NEDD4L: variants seen among roughly 807,000 people sequenced by gnomAD.
The protein encoded by NEDD4L is NEDD4 like E3 ubiquitin protein ligase, also known as E3 ubiquitin-protein ligase NEDD4-like.
A neutral mutation model predicts 148.9 loss-of-function variants in NEDD4L; 54 were observed. The observed-to-expected ratio is 0.36, with a 90% confidence interval of 0.29 to 0.45. The LOEUF (loss-of-function observed/expected upper bound fraction) is 0.45. Among genes scored for constraint, NEDD4L ranks in the 20% least tolerant of loss-of-function variants. The pLI is 1.00. For missense variants in NEDD4L, 856 were observed against 1,233.8 expected, an observed-to-expected ratio of 0.69 and a Z score of 4.59; for synonymous variants, 433 against 440.7, an observed-to-expected ratio of 0.98 and a Z score of 0.22.
At chr18:58,046,065 G>T (rs1039506229) in intron 1 of NEDD4L, 4 of 152,152 alleles carry the variant, frequency 2.6e-5, no homozygotes, top group Non-Finnish European at 5.9e-5. Context: ...GGTGTTTAGG[G>T]TATGAATTTT....
rs550831876 is a variant in NEDD4L, at chr18:58,159,023, T to C, written c.49-6765T>C. Among the ~76,000 whole-genome samples the C allele has an allele frequency of 3.9e-5, 6 of 152,208 alleles. No individual in the cohort carries two copies. The South Asian group carries it at 1.2e-3, about 32-fold the overall frequency. ...CATTTTTGTTGAGTGTATAATTAGA[T>C]GGTCAATGTGGAGAACTCAGAGGGA... On this transcript the variant is annotated intron_variant, in intron 1 of 30. Transcript: ENST00000400345.
chr18:58,263,978 G>A lies in NEDD4L; in HGVS notation c.297+11924G>A, dbSNP rs146957621. Among the ~76,000 whole-genome samples, 137 of 150,614 alleles carry A rather than the reference G, an allele frequency of 9.1e-4. No homozygotes were observed. The Middle Eastern group carries it at 0.017, about 19-fold the overall frequency. ...GCATACCTCTGGGCTTCTTTTATATGGTCTTCCTCATGAGTTAAAATGCCT... is the reference window on the plus strand; with the variant it reads ...GCATACCTCTGGGCTTCTTTTATATAGTCTTCCTCATGAGTTAAAATGCCT... On this transcript the variant is annotated intron_variant, in intron 5 of 30. Transcript: ENST00000400345.
chr18:58,152,861 C>T (rs58782906), intron 1 of NEDD4L, among the ~76,000 whole-genome samples: 6,182 of 152,284 alleles, frequency 0.041, 392 homozygotes, highest in African/African-American at 0.14. Context: ...CCAGCATAGA[C>T]TCCTGCAGAG....
intron 5 of NEDD4L, among the ~76,000 whole-genome samples, chr18:58,287,989 T>C (rs7232823): frequency 0.45 from 68,958 of 152,094 alleles, 16,380 homozygotes; most frequent in African/African-American, 0.6. Context: ...CAGCTGAGCA[T>C]GATCTTGAAT....
In NEDD4L at chr18:58,195,446, C is replaced by A. The variant is rs778878524; in HGVS notation, c.122+29585C>A. The A allele has an allele frequency of 8.3e-6, 11 of 1,320,760 alleles. No homozygotes were observed. In the East Asian group the frequency reaches 3.8e-4, roughly 45 times the overall value. 81.8% of individuals were successfully genotyped at this position (1,320,760 alleles called of 1,614,324 possible). ...CCGATTCGAGAGAGGCAGGCATCCG[C>A]GGCAGCAGCTTCCAACCCAGACAGG... On this transcript the variant is annotated intron_variant, in intron 2 of 30. Transcript: ENST00000400345.
intron 19 of NEDD4L, among the ~76,000 whole-genome samples, chr18:58,359,531 A>G (rs2045196355): frequency 6.6e-6 from 1 of 152,228 alleles, no homozygotes; most frequent in Admixed American, 6.5e-5. Flanking sequence ...ATAGTCAAAT[A>G]GTCATTAATA....
intron 2 of NEDD4L, among the ~76,000 whole-genome samples, chr18:58,168,582 C>T (rs1469080120): frequency 6.6e-6 from 1 of 152,192 alleles, no homozygotes; most frequent in East Asian, 1.9e-4. Context: ...TCTCTGGCAG[C>T]CACCGTCTCC....
At chr18:58,236,865 A>T (rs779715066) in intron 2 of NEDD4L, among the ~76,000 whole-genome samples, 1 of 151,910 alleles carries the variant, frequency 6.6e-6, no homozygotes, top group Non-Finnish European at 1.5e-5. Flanking sequence ...CTCTACTAAA[A>T]ATACAATATT....
intron 1 of NEDD4L, among the ~76,000 whole-genome samples, chr18:58,161,774 C>T (rs1183694350): frequency 2.0e-5 from 3 of 152,000 alleles, no homozygotes; most frequent in Non-Finnish European, 4.4e-5. Context: ...TCTTTATCTC[C>T]AGGATCTTCC....
chr18:58,218,209 G>A (rs1202392716), intron 2 of NEDD4L, among the ~76,000 whole-genome samples: 1 of 152,084 alleles, frequency 6.6e-6, no homozygotes, highest in Non-Finnish European at 1.5e-5. Flanking sequence ...ATTGAAACAA[G>A]CTGATCCATT....
intron 1 of NEDD4L, among the ~76,000 whole-genome samples, chr18:58,135,961 A>G (rs2032796534): frequency 6.6e-6 from 1 of 152,194 alleles, no homozygotes; most frequent in South Asian, 2.1e-4. Flanking sequence ...AGGAAGCTGA[A>G]CGCTTGCTCC....
intron 5 of NEDD4L, among the ~76,000 whole-genome samples, chr18:58,305,631 C>T (rs886591570): frequency 5.3e-5 from 8 of 152,226 alleles, no homozygotes; most frequent in Admixed American, 3.3e-4. Context: ...TCTGCCTAAA[C>T]GAGCACCTGC....
chr18:58,272,727 A>G (rs2051236863), intron 5 of NEDD4L, among the ~76,000 whole-genome samples: 1 of 152,202 alleles, frequency 6.6e-6, no homozygotes, highest in South Asian at 2.1e-4. Context: ...CGCCTTTATA[A>G]ACATAAAAGT....
chr18:58,168,496 G>A (rs76798536), intron 2 of NEDD4L, among the ~76,000 whole-genome samples: 2,708 of 152,316 alleles, frequency 0.018, 82 homozygotes, highest in African/African-American at 0.06. Context: ...GGGAAGAACC[G>A]CAAAGTGACT....
intron 2 of NEDD4L, among the ~76,000 whole-genome samples, chr18:58,167,565 G>T (rs1443869945): frequency 6.6e-6 from 1 of 152,114 alleles, no homozygotes; most frequent in Non-Finnish European, 1.5e-5. Context: ...GCCACAGTAG[G>T]TGCAATGTCA....
chr18:58,358,276 T>C (rs1221076716), intron 19 of NEDD4L, among the ~76,000 whole-genome samples: 1 of 152,226 alleles, frequency 6.6e-6, no homozygotes. Flanking sequence ...ATTTGGGTAC[T>C]ATTTCCTAGG....
At chr18:58,054,484 G>A (rs1479904207) in intron 1 of NEDD4L, among the ~76,000 whole-genome samples, 3 of 152,184 alleles carry the variant, frequency 2.0e-5, no homozygotes, top group Non-Finnish European at 4.4e-5. Context: ...TGTGGTCCCA[G>A]CTACTTGAGA....
At chr18:58,088,334 A>G (rs1425932693) in intron 1 of NEDD4L, among the ~76,000 whole-genome samples, 1 of 152,242 alleles carries the variant, frequency 6.6e-6, no homozygotes. Flanking sequence ...ATTGGGGGCT[A>G]TCATGGAGGT....
chr18:58,148,046 C>T (rs991158629), intron 1 of NEDD4L, among the ~76,000 whole-genome samples: 3 of 152,060 alleles, frequency 2.0e-5, no homozygotes, highest in Admixed American at 2.0e-4. Flanking sequence ...CTCTCTCCCC[C>T]CCTTTTTTTT....
Sources: allele counts gnomAD v4.1 joint callset (sites outside exome capture counted in the v4.1 genomes callset), GRCh38; gene constraint gnomAD v4.1.1; transcripts MANE v1.5; gene names NCBI Gene and HGNC (gene_info 2026-07-23, HGNC 2026-07-21).